ERC2: variants seen among roughly 807,000 people sequenced by gnomAD.
ERC2 encodes ERC protein 2.
A neutral mutation model predicts 114.8 loss-of-function variants in ERC2; 42 were observed. That is an observed-to-expected ratio of 0.37 (90% confidence interval 0.29 to 0.47). The LOEUF (loss-of-function observed/expected upper bound fraction) is 0.47, where lower values mean the gene tolerates loss of function less well. Among genes scored for constraint, ERC2 ranks in the 20% least tolerant of loss-of-function variants. The pLI, the probability that ERC2 is intolerant of heterozygous loss-of-function variation, is 0.99. For synonymous variants in ERC2, 454 were observed against 425.5 expected (o/e 1.07, Z -0.82); for missense variants, 939 against 1,150.7 (o/e 0.82, Z 2.66).
chr3:55,707,695 T>C (rs1559528434), intron 15 of ERC2, among the ~76,000 whole-genome samples: 1 of 152,246 alleles, frequency 6.6e-6, no homozygotes, highest in Non-Finnish European at 1.5e-5. Context: ...CCTTGCTGTG[T>C]GAACAACACT....
chr3:55,791,022 C>A (rs940006090), intron 14 of ERC2, among the ~76,000 whole-genome samples: 2 of 152,174 alleles, frequency 1.3e-5, no homozygotes, highest in African/African-American at 4.8e-5. Flanking sequence ...TCTTGTCAAC[C>A]AGGGTCATCA....
chr3:55,509,146 T>C lies in ERC2; in HGVS notation c.*2170A>G, dbSNP rs1281332026. ...GTAAGATCAGTAATATTTTAACCAA[T>C]GAAAGTTGGGCAGAAAATGATCCCT... On this transcript the variant is annotated 3_prime_UTR_variant, in exon 18 of 18. Transcript: ENST00000288221. 7 of 152,596 alleles carry C rather than the reference T, an allele frequency of 4.6e-5. No homozygotes were observed. The highest frequency in any genetic ancestry group is 1.0e-4 in the Non-Finnish European group (7 of 68,030). 9.5% of individuals were successfully genotyped at this position (152,596 alleles called of 1,614,324 possible). A position where few individuals can be genotyped will look rare whatever the true frequency, so the allele number is the denominator to read the frequency against.
At chr3:55,782,161 C>G (rs1236028322) in intron 14 of ERC2, among the ~76,000 whole-genome samples, 2 of 152,140 alleles carry the variant, frequency 1.3e-5, no homozygotes, top group Non-Finnish European at 2.9e-5. Flanking sequence ...TCCTTTCCAC[C>G]TGTGCAGGAG....
intron 2 of ERC2, among the ~76,000 whole-genome samples, chr3:56,351,266 C>T (rs976384786): frequency 6.6e-6 from 1 of 151,992 alleles, no homozygotes. Flanking sequence ...AAAATGACTC[C>T]CCTTGTAACA....
At chr3:55,828,642 A>G (rs1365528582) in intron 14 of ERC2, among the ~76,000 whole-genome samples, 4 of 152,222 alleles carry the variant, frequency 2.6e-5, no homozygotes, top group African/African-American at 9.6e-5. Context: ...ATGAGCTTGC[A>G]AAATGATCAG....
chr3:56,353,509 C>T (rs1307848112), intron 2 of ERC2, among the ~76,000 whole-genome samples: 2 of 151,874 alleles, frequency 1.3e-5, no homozygotes, highest in African/African-American at 4.8e-5. Flanking sequence ...TTTATAGGGA[C>T]ATGGATGAAG....
At chr3:55,877,500 T>A (rs1230044805) in intron 14 of ERC2, among the ~76,000 whole-genome samples, 1 of 150,396 alleles carries the variant, frequency 6.6e-6, no homozygotes, top group Non-Finnish European at 1.5e-5. Flanking sequence ...TCTCTTTTTT[T>A]AATTTTTATT....
At chr3:56,266,366 T>A (rs1368539341) in intron 3 of ERC2, among the ~76,000 whole-genome samples, 1 of 151,864 alleles carries the variant, frequency 6.6e-6, no homozygotes, top group Non-Finnish European at 1.5e-5. Flanking sequence ...TCCTGACCTT[T>A]TGATCCACCC....
At chr3:55,965,404 G>T (rs892316863) in intron 12 of ERC2, among the ~76,000 whole-genome samples, 2 of 152,140 alleles carry the variant, frequency 1.3e-5, no homozygotes, top group East Asian at 1.9e-4. Flanking sequence ...AGTCTCATGT[G>T]GCTAATGGCT....
chr3:56,013,128 T>C (rs2073067200), intron 8 of ERC2, among the ~76,000 whole-genome samples: 1 of 152,192 alleles, frequency 6.6e-6, no homozygotes, highest in South Asian at 2.1e-4. Flanking sequence ...CAAGTCATAT[T>C]CAATCTTAAC....
At chr3:55,995,575 T>A (rs2071441839) in intron 10 of ERC2, among the ~76,000 whole-genome samples, 1 of 152,156 alleles carries the variant, frequency 6.6e-6, no homozygotes, top group Non-Finnish European at 1.5e-5. Context: ...AACCGCTGCT[T>A]CTTGGATCAT....
chr3:55,765,538 C>T (rs2067716770), intron 14 of ERC2, among the ~76,000 whole-genome samples: 1 of 152,158 alleles, frequency 6.6e-6, no homozygotes, highest in Admixed American at 6.5e-5. Flanking sequence ...TGGCTTTCTG[C>T]CCTAATGACT....
intron 1 of ERC2, among the ~76,000 whole-genome samples, chr3:56,443,166 C>T (rs1384986041): frequency 6.6e-6 from 1 of 152,182 alleles, no homozygotes; most frequent in Non-Finnish European, 1.5e-5. Flanking sequence ...TACAAGTCAG[C>T]CATTGACAGG....
chr3:56,294,504 G>A (rs1043928839), intron 3 of ERC2, among the ~76,000 whole-genome samples: 1 of 152,204 alleles, frequency 6.6e-6, no homozygotes, highest in Non-Finnish European at 1.5e-5. Flanking sequence ...CTTACTGAGT[G>A]TTGGCTGGAG....
intron 3 of ERC2, among the ~76,000 whole-genome samples, chr3:56,280,970 A>G (rs2054298942): frequency 6.6e-6 from 1 of 152,222 alleles, no homozygotes; most frequent in African/African-American, 2.4e-5. Flanking sequence ...ACACAAAGTT[A>G]AGTGCTCAAT....
intron 3 of ERC2, among the ~76,000 whole-genome samples, chr3:56,224,091 T>C (rs2050099411): frequency 6.6e-6 from 1 of 152,218 alleles, no homozygotes. Context: ...ATTTTTAGAT[T>C]CAGATCAGCA....
chr3:56,375,584 C>T (rs1296355041), intron 2 of ERC2, among the ~76,000 whole-genome samples: 5 of 152,088 alleles, frequency 3.3e-5, no homozygotes, highest in Admixed American at 3.3e-4. Context: ...TGATGGAAGG[C>T]AATCCAATAG....
intron 3 of ERC2, among the ~76,000 whole-genome samples, chr3:56,265,418 T>G (rs1252309688): frequency 6.6e-6 from 1 of 152,134 alleles, no homozygotes; most frequent in Non-Finnish European, 1.5e-5. Context: ...AGAATGAAAC[T>G]GCACCCTTAA....
intron 16 of ERC2, among the ~76,000 whole-genome samples, chr3:55,698,967 A>T (rs1438403128): frequency 1.3e-5 from 2 of 152,164 alleles, no homozygotes; most frequent in Non-Finnish European, 2.9e-5. Flanking sequence ...CCTCACCATT[A>T]ATTTGCATCA....
Sources: gnomAD v4.1 joint callset for allele counts (sites outside exome capture counted in the v4.1 genomes callset) on GRCh38, gnomAD v4.1.1 for gene constraint, MANE v1.5 for transcripts, NCBI Gene and HGNC (gene_info 2026-07-23, HGNC 2026-07-21) for gene names.